The following TRIO variants were observed in gnomAD, a reference collection of about 807,000 sequenced individuals.
TRIO encodes the protein triple functional domain protein.
In TRIO, 58 loss-of-function variants were observed where a neutral mutation model predicts 351.9. The observed-to-expected ratio is 0.16, with a 90% CI of 0.13 to 0.21. The LOEUF (loss-of-function observed/expected upper bound fraction) is 0.21. Among genes scored for constraint, TRIO ranks in the 10% least tolerant of loss-of-function variants. TRIO has a pLI of 1.00. For missense variants in TRIO, 3,201 were observed against 4,027.8 expected (o/e 0.79, Z 5.56); for synonymous variants, 1,758 against 1,595.7 (o/e 1.10, Z -2.42).
At chr5:14,457,996 A>G (rs1249605911) in intron 34 of TRIO, among the ~76,000 whole-genome samples, 2 of 151,246 alleles carry the variant, frequency 1.3e-5, no homozygotes, top group East Asian at 3.9e-4. Flanking sequence ...ATGAATGTTA[A>G]GACCTGTACT....
chr5:14,247,470 G>T (rs1271662930), intron 1 of TRIO, among the ~76,000 whole-genome samples: 1 of 152,122 alleles, frequency 6.6e-6, no homozygotes, highest in Non-Finnish European at 1.5e-5. Context: ...GTCTTTTAAG[G>T]AATATGTTCT....
intron 41 of TRIO, 140 bp downstream of exon 41, chr5:14,477,103 A>G (rs948228879): frequency 1.1e-5 from 8 of 708,016 alleles, no homozygotes; most frequent in African/African-American, 1.8e-5. Flanking sequence ...GGTGTTAATG[A>G]GTTGGAATTA....
At chr5:14,413,949 T>A (rs924379406) in intron 33 of TRIO, among the ~76,000 whole-genome samples, 5 of 152,222 alleles carry the variant, frequency 3.3e-5, no homozygotes, top group Non-Finnish European at 7.3e-5. Context: ...TGAGGTCAGC[T>A]AGTTAACGTT....
At chr5:14,151,506 A>C (rs1787832503) in intron 1 of TRIO, among the ~76,000 whole-genome samples, 1 of 152,174 alleles carries the variant, frequency 6.6e-6, no homozygotes, top group Non-Finnish European at 1.5e-5. Flanking sequence ...GAATGAATAT[A>C]TCGGAGACTA....
At chr5:14,310,848 G>C (rs754607020) in intron 8 of TRIO, among the ~76,000 whole-genome samples, 3 of 152,282 alleles carry the variant, frequency 2.0e-5, no homozygotes, top group Non-Finnish European at 2.9e-5. Flanking sequence ...ACCAGGCCCG[G>C]CTAATTTTTA....
chr5:14,291,810 A>T (rs1433145357), intron 5 of TRIO, among the ~76,000 whole-genome samples: 1 of 149,608 alleles, frequency 6.7e-6, no homozygotes, highest in Non-Finnish European at 1.5e-5. Flanking sequence ...AAAAAAAAAA[A>T]AAAAAAGTGA....
At chr5:14,433,666 G>A (rs1209735428) in intron 34 of TRIO, among the ~76,000 whole-genome samples, 4 of 152,230 alleles carry the variant, frequency 2.6e-5, no homozygotes, top group East Asian at 3.9e-4. Context: ...TGGGGTTTGA[G>A]GACTGACTTC....
chr5:14,490,919 G>A, intron 48 of TRIO: 2 of 453,102 alleles, frequency 4.4e-6, no homozygotes, highest in Non-Finnish European at 4.4e-6. Flanking sequence ...CATGCTAAAA[G>A]TATAATGCAT....
chr5:14,205,050 A>G (rs1322807111), intron 1 of TRIO, among the ~76,000 whole-genome samples: 1 of 152,236 alleles, frequency 6.6e-6, no homozygotes, highest in Non-Finnish European at 1.5e-5. Flanking sequence ...TGGCTGCAGT[A>G]GAGACAGAGG....
chr5:14,471,478 A>G lies in TRIO; in HGVS notation c.5912+12A>G. 7 of 1,613,856 alleles carry G rather than the reference A, an allele frequency of 4.3e-6. No homozygotes were observed. The highest frequency in any genetic ancestry group is 5.1e-6 in the Non-Finnish European group (6 of 1,179,898). Reference sequence around the variant, plus strand: ...TTAAAGAGAAGACAGTAAGACAGAAATGTTTTCATTCTTATTGTTCTCTGG... The same window carrying G: ...TTAAAGAGAAGACAGTAAGACAGAAGTGTTTTCATTCTTATTGTTCTCTGG... On this transcript the variant is annotated intron_variant, in intron 38 of 56. Transcript: ENST00000344204.
rs1757894403 is a variant in TRIO at position 14,508,772 on chromosome 5, G to A, written c.*350G>A. On this transcript the variant is annotated 3_prime_UTR_variant, in exon 57 of 57. Coordinates refer to ENST00000344204, the MANE Select transcript of TRIO (RefSeq NM_007118.4). Reference sequence around the variant, plus strand: ...TTATTCAAGGAAACAAAATGCCTATGTTCAACCACTGGTGTTAATGAACAA... The same window carrying A: ...TTATTCAAGGAAACAAAATGCCTATATTCAACCACTGGTGTTAATGAACAA... The A allele has an allele frequency of 1.4e-5, 3 of 217,988 alleles. No homozygotes were observed. In the South Asian group the frequency reaches 2.4e-4, roughly 18 times the overall value. 13.5% of individuals were successfully genotyped at this position (217,988 alleles called of 1,614,324 possible).
In TRIO at chr5:14,248,919, C is replaced by A. The variant is rs145612073; in HGVS notation, c.158-21906C>A. ...GTTTGATTCCAAGCCTGGCTGACTT[C>A]CTGACGGTGGTGATCTCTCTCACCA... On this transcript the variant is annotated intron_variant, in intron 1 of 56. Transcript: ENST00000344204. Among the ~76,000 whole-genome samples, 22 of 152,310 alleles carry A rather than the reference C, an allele frequency of 1.4e-4. 1 individual carries two copies. Among genetic ancestry groups the A allele is most frequent in the African/African-American group, 5.3e-4 (22 of 41,556 alleles).
At chr5:14,392,785 G>A (rs1488365768) in intron 27 of TRIO, among the ~76,000 whole-genome samples, 3 of 152,206 alleles carry the variant, frequency 2.0e-5, no homozygotes, top group African/African-American at 2.4e-5. Context: ...AGCGGCTCAC[G>A]CCTGTAATCC....
chr5:14,369,183 G>T (rs910683851), intron 17 of TRIO, among the ~76,000 whole-genome samples, 191 bp from the exon 18 acceptor site: 1 of 152,154 alleles, frequency 6.6e-6, no homozygotes, highest in Non-Finnish European at 1.5e-5. Flanking sequence ...TTTTGTTCTC[G>T]CTCTGAAAAG....
At chr5:14,384,038 A>G (rs180778370) in intron 21 of TRIO, among the ~76,000 whole-genome samples, 233 of 152,266 alleles carry the variant, frequency 1.5e-3, no homozygotes, top group Non-Finnish European at 2.9e-3. Flanking sequence ...CTCTCAGTGC[A>G]GTCATTTCTC....
chr5:14,362,411 G>T lies in TRIO; in HGVS notation c.2392-1321G>T, dbSNP rs1400676268. On this transcript the variant is annotated intron_variant, in intron 13 of 56. Coordinates refer to ENST00000344204, the MANE Select transcript of TRIO (RefSeq NM_007118.4). ...CCAGCGTGTTCGGATTGATGTGGGTGCCTCAATTAGGAGGCATGTGAGGTT... is the reference window on the plus strand; with the variant it reads ...CCAGCGTGTTCGGATTGATGTGGGTTCCTCAATTAGGAGGCATGTGAGGTT... 2.0e-5 allele frequency among the ~76,000 whole-genome samples: 3 copies of T among 152,188 alleles called. No homozygotes were observed. In the East Asian group the frequency reaches 5.8e-4, roughly 29 times the overall value.
At chr5:14,392,209 G>C (rs1747141738) in intron 27 of TRIO, among the ~76,000 whole-genome samples, 1 of 149,648 alleles carries the variant, frequency 6.7e-6, no homozygotes, top group Non-Finnish European at 1.5e-5. Flanking sequence ...CTAACATCCA[G>C]AATCTACAAT....
At chr5:14,435,405 A>G (rs32691) in intron 34 of TRIO, among the ~76,000 whole-genome samples, 149,052 of 152,242 alleles carry the variant, frequency 0.98, 72,991 homozygotes, top group East Asian at 1. Context: ...CTTTCACCTC[A>G]CTGTCTCAGT....
At chr5:14,358,470 G>A in intron 12 of TRIO, 123 bp downstream of exon 12, 1 of 1,174,198 alleles carries the variant, frequency 8.5e-7, no homozygotes, top group Non-Finnish European at 1.2e-6. Flanking sequence ...AGAGCTAGTA[G>A]TGTCTGTGAA....
Sources: allele counts gnomAD v4.1 joint callset (sites outside exome capture counted in the v4.1 genomes callset), GRCh38; gene constraint gnomAD v4.1.1; transcripts MANE v1.5; gene names NCBI Gene and HGNC (gene_info 2026-07-23, HGNC 2026-07-21).